Variants in YAE1 observed in about 807,000 individuals in gnomAD.
The protein encoded by YAE1 is protein YAE1 homolog.
Under a neutral mutation model 23.0 loss-of-function variants are expected in YAE1, and 22 were observed. The observed-to-expected ratio is 0.96, with a 90% CI of 0.68 to 1.37. YAE1 has a LOEUF of 1.37. Among genes scored for constraint, YAE1 ranks in the 40% most tolerant of loss-of-function variants. The pLI is 0.00. For synonymous variants in YAE1, 101 were observed against 97.0 expected (o/e 1.04, Z -0.24); for missense variants, 260 against 262.1 (o/e 0.99, Z 0.06).
intron 2 of YAE1, among the ~76,000 whole-genome samples, chr7:39,593,870 C>A (rs1043582703): frequency 2.6e-5 from 4 of 152,162 alleles, no homozygotes; most frequent in African/African-American, 7.2e-5. Context: ...GCCTTAAAAT[C>A]TTTGCTAATT....
chr7:39,601,193 G>A (rs562833769), intron 2 of YAE1, among the ~76,000 whole-genome samples: 55 of 152,128 alleles, frequency 3.6e-4, no homozygotes, highest in Non-Finnish European at 6.6e-4. Flanking sequence ...GGTTTTTGGG[G>A]ACCAGCATCA....
intron 2 of YAE1, among the ~76,000 whole-genome samples, chr7:39,602,561 G>GA (rs981714459): frequency 6.6e-6 from 1 of 152,130 alleles, no homozygotes; most frequent in African/African-American, 2.4e-5. Context: ...GTCTATCATA[G>GA]AAAAAAATGT....
downstream of YAE1, among the ~76,000 whole-genome samples, chr7:39,611,410 C>A (rs947258552): frequency 5.9e-5 from 9 of 152,216 alleles, no homozygotes; most frequent in Admixed American, 2.0e-4. Context: ...AAGGTCTCCC[C>A]TGGAGCAGGA....
At chr7:39,585,858 C>A (rs567225598) in intron 2 of YAE1, among the ~76,000 whole-genome samples, 5 of 152,296 alleles carry the variant, frequency 3.3e-5, no homozygotes, top group African/African-American at 1.2e-4. Flanking sequence ...AATCCCAACA[C>A]TTTGGGAGGC....
At chr7:39,592,543 T>C (rs1245025967) in intron 2 of YAE1, among the ~76,000 whole-genome samples, 1 of 152,172 alleles carries the variant, frequency 6.6e-6, no homozygotes, top group Non-Finnish European at 1.5e-5. Flanking sequence ...AAAATGCACA[T>C]ACTACCACCC....
intron 2 of YAE1, among the ~76,000 whole-genome samples, chr7:39,606,305 G>A (rs1180075619): frequency 6.6e-6 from 1 of 152,166 alleles, no homozygotes. Flanking sequence ...AAAATACAGA[G>A]ACATTTTGGA....
intron 2 of YAE1, among the ~76,000 whole-genome samples, chr7:39,598,713 G>A (rs183078151): frequency 9.9e-5 from 15 of 150,894 alleles, no homozygotes; most frequent in Non-Finnish European, 1.8e-4. Context: ...GGAGGTCAAG[G>A]CTGCAGTGAG....
intron 2 of YAE1, among the ~76,000 whole-genome samples, chr7:39,604,787 G>A (rs80013548): frequency 0.053 from 8,057 of 152,204 alleles, 287 homozygotes; most frequent in East Asian, 0.12. Flanking sequence ...GATGTGTTCA[G>A]TTTAAGGTAT....
intron 1 of YAE1, among the ~76,000 whole-genome samples, chr7:39,568,148 G>T (rs1264434423): frequency 6.6e-6 from 1 of 152,054 alleles, no homozygotes; most frequent in Non-Finnish European, 1.5e-5. Flanking sequence ...TGAGGCAGAA[G>T]AATCACTTGA....
At chr7:39,569,551 A>G (rs1463625650) in intron 1 of YAE1, 3 of 523,392 alleles carry the variant, frequency 5.7e-6, no homozygotes, top group African/African-American at 1.9e-5. Flanking sequence ...TTTGAAGGGT[A>G]TGGCTGTGGT....
downstream of YAE1, among the ~76,000 whole-genome samples, chr7:39,611,775 A>T (rs1791223173): frequency 6.6e-6 from 1 of 152,048 alleles, no homozygotes; most frequent in Non-Finnish European, 1.5e-5. Context: ...TTCCTTTATT[A>T]TTGTTTCTGG....
chr7:39,603,373 C>T (rs1190531282), intron 2 of YAE1, among the ~76,000 whole-genome samples: 3 of 152,072 alleles, frequency 2.0e-5, no homozygotes, highest in Non-Finnish European at 2.9e-5. Flanking sequence ...CTTCTGACCT[C>T]GTGATCCGCC....
chr7:39,569,914 TA>T (rs1790537856), intron 1 of YAE1: 1 of 1,215,938 alleles, frequency 8.2e-7, no homozygotes, highest in East Asian at 2.3e-5. Flanking sequence ...ACAGTTATTG[TA>T]AACTGTCCAG....
chr7:39,575,614 A>G (rs1790646879), downstream of YAE1, among the ~76,000 whole-genome samples: 1 of 150,612 alleles, frequency 6.6e-6, no homozygotes, highest in South Asian at 2.1e-4. Flanking sequence ...TGATTCACCA[A>G]TCAGGCTTCT....
At chr7:39,609,595 A>G (rs1458197433) in intron 2 of YAE1, 2 of 1,530,304 alleles carry the variant, frequency 1.3e-6, no homozygotes, top group Non-Finnish European at 1.8e-6. Context: ...ATCTCTGTCT[A>G]TCCAATTGTC....
chr7:39,587,768 A>C (rs1380658986), intron 2 of YAE1, among the ~76,000 whole-genome samples: 1 of 149,438 alleles, frequency 6.7e-6, no homozygotes, highest in East Asian at 2.0e-4. Flanking sequence ...ACTTTTTAAA[A>C]ATCATGTGTG....
At chr7:39,569,106 C>G (rs756477048) in intron 1 of YAE1, among the ~76,000 whole-genome samples, 8 of 152,100 alleles carry the variant, frequency 5.3e-5, no homozygotes, top group Non-Finnish European at 1.0e-4. Flanking sequence ...AGATTTGAAA[C>G]AGGTTATTAT....
In YAE1 at chr7:39,609,504, G is replaced by C. The variant is rs1029772340; in HGVS notation, c.252-113G>C. 2.9e-6 allele frequency: 4 copies of C among 1,392,268 alleles called. No homozygotes were observed. The African/African-American group carries it at 4.3e-5, about 15-fold the overall frequency. The allele number at this position is 1,392,268 out of a possible 1,614,324, so 86.2% of individuals were successfully genotyped here. A position where few individuals can be genotyped will look rare whatever the true frequency, so the allele number is the denominator to read the frequency against. ...GGGGTTGTAACAGAGACAAATCTTC[G>C]TTATAAGTTTATCAGAAAATGATGA... On this transcript the variant is annotated intron_variant, in intron 2 of 2. Coordinates refer to the YAE1 transcript ENST00000432096.
At chr7:39,584,826 A>G (rs1412643713) in intron 2 of YAE1, among the ~76,000 whole-genome samples, 2 of 152,182 alleles carry the variant, frequency 1.3e-5, no homozygotes, top group Non-Finnish European at 2.9e-5. Flanking sequence ...TGAGACCAGC[A>G]TGGGCAACAA....
Sources: allele counts gnomAD v4.1 joint callset (sites outside exome capture counted in the v4.1 genomes callset), GRCh38; gene constraint gnomAD v4.1.1; transcripts MANE v1.5; gene names NCBI Gene and HGNC (gene_info 2026-07-23, HGNC 2026-07-21).